The following DPYD variants were observed in gnomAD, a reference collection of about 807,000 sequenced individuals.
DPYD encodes dihydropyrimidine dehydrogenase [NADP(+)].
DPYD carries 109 observed loss-of-function variants against 116.2 expected under a neutral mutation model. The observed-to-expected ratio is 0.94, with a 90% CI of 0.80 to 1.10. The LOEUF is 1.10. Among genes scored for constraint, DPYD ranks in the 50% least tolerant of loss-of-function variants. The pLI is 0.00. For synonymous variants in DPYD, 440 were observed against 432.0 expected, an observed-to-expected ratio of 1.02 and a Z score of -0.23; for missense variants, 1,302 against 1,254.5, an observed-to-expected ratio of 1.04 and a Z score of -0.57.
At chr1:97,191,086 A>C (rs914348220) in intron 20 of DPYD, among the ~76,000 whole-genome samples, 6 of 136,868 alleles carry the variant, frequency 4.4e-5, no homozygotes, top group African/African-American at 1.4e-4. Context: ...ACGTACATAC[A>C]AACACACACA....
chr1:97,771,769 C>T (rs74484038), intron 3 of DPYD, among the ~76,000 whole-genome samples: 2,718 of 152,122 alleles, frequency 0.018, 85 homozygotes, highest in African/African-American at 0.062. Context: ...TAAATAATTA[C>T]GAAAACATTC....
At chr1:97,537,266 A>T (rs1002610106) in intron 12 of DPYD, among the ~76,000 whole-genome samples, 5 of 152,214 alleles carry the variant, frequency 3.3e-5, no homozygotes, top group Non-Finnish European at 7.3e-5. Flanking sequence ...CCCACATCAT[A>T]AGCATTATTG....
At chr1:97,114,533 G>T (rs973887248) in intron 20 of DPYD, among the ~76,000 whole-genome samples, 6 of 152,110 alleles carry the variant, frequency 3.9e-5, no homozygotes, top group African/African-American at 1.4e-4. Context: ...ATATTTGAAA[G>T]GTTGACAGAC....
intron 1 of DPYD, among the ~76,000 whole-genome samples, chr1:97,889,737 A>G (rs1028516264): frequency 4.6e-5 from 7 of 152,026 alleles, no homozygotes; most frequent in Non-Finnish European, 1.0e-4. Context: ...AGACTTGAAT[A>G]ACAACTATAA....
At chr1:97,275,177 A>C (rs1480208080) in intron 18 of DPYD, among the ~76,000 whole-genome samples, 1 of 152,154 alleles carries the variant, frequency 6.6e-6, no homozygotes, top group Non-Finnish European at 1.5e-5. Flanking sequence ...CTGGAGATGT[A>C]AGCTGGGACA....
At chr1:97,167,178 T>G (rs1000784524) in intron 20 of DPYD, among the ~76,000 whole-genome samples, 2 of 152,160 alleles carry the variant, frequency 1.3e-5, no homozygotes, top group African/African-American at 4.8e-5. Flanking sequence ...AAAGTGTACA[T>G]TTTTCAAAAG....
chr1:97,844,846 C>T (rs1558004210), intron 2 of DPYD, among the ~76,000 whole-genome samples: 1 of 152,220 alleles, frequency 6.6e-6, no homozygotes, highest in Non-Finnish European at 1.5e-5. Flanking sequence ...GAAGTGCCTG[C>T]TCCCACTACC....
chr1:97,380,681 G>T (rs915141401), intron 15 of DPYD, among the ~76,000 whole-genome samples: 1 of 152,168 alleles, frequency 6.6e-6, no homozygotes, highest in Admixed American at 6.6e-5. Flanking sequence ...TAGAGTGTTG[G>T]TGTGGTGTCT....
At chr1:97,117,574 A>C (rs1398670862) in intron 20 of DPYD, among the ~76,000 whole-genome samples, 10 of 152,200 alleles carry the variant, frequency 6.6e-5, no homozygotes, top group Non-Finnish European at 1.5e-4. Flanking sequence ...TATTGCAAGA[A>C]ACTTTTAGTG....
chr1:97,912,137 T>C (rs970683523), intron 1 of DPYD, among the ~76,000 whole-genome samples: 6 of 152,188 alleles, frequency 3.9e-5, no homozygotes, highest in Admixed American at 3.9e-4. Context: ...CCCAAAATGG[T>C]CCCCTTTTCC....
chr1:97,587,824 CAA>C (rs1245977630), intron 10 of DPYD, among the ~76,000 whole-genome samples: 10 of 57,374 alleles, frequency 1.7e-4, no homozygotes, highest in Non-Finnish European at 1.1e-4. Context: ...ACTCCATCTC[CAA>C]AAAAAAAAAA....
chr1:97,166,950 A>G (rs1656369566), intron 20 of DPYD, among the ~76,000 whole-genome samples: 1 of 152,176 alleles, frequency 6.6e-6, no homozygotes, highest in African/African-American at 2.4e-5. Context: ...TTTTTATTTT[A>G]TTTTCAATAG....
chr1:97,338,038 C>A (rs9783115), intron 16 of DPYD, among the ~76,000 whole-genome samples: 27,375 of 152,004 alleles, frequency 0.18, 2,589 homozygotes, highest in East Asian at 0.28. Context: ...TTCCTCCATT[C>A]CTGTTTGCTA....
intron 7 of DPYD, among the ~76,000 whole-genome samples, chr1:97,680,113 C>T (rs1383722241): frequency 1.3e-5 from 2 of 152,104 alleles, no homozygotes; most frequent in Admixed American, 6.6e-5. Flanking sequence ...AGTTAGTGAT[C>T]GTTCTCCTAG....
At chr1:97,380,375 G>A (rs1671882141) in intron 15 of DPYD, among the ~76,000 whole-genome samples, 2 of 152,146 alleles carry the variant, frequency 1.3e-5, no homozygotes, top group South Asian at 4.1e-4. Context: ...TTCTAACAAT[G>A]CTACTAATTT....
At chr1:97,586,683 G>T (rs1654150235) in intron 10 of DPYD, among the ~76,000 whole-genome samples, 3 of 151,310 alleles carry the variant, frequency 2.0e-5, no homozygotes, top group Non-Finnish European at 4.4e-5. Flanking sequence ...ACAAGCTTTT[G>T]TTGGCTCCTG....
chr1:97,549,925 G>T lies in DPYD; in HGVS notation c.1340-181C>A, dbSNP rs2811162. Among the ~76,000 whole-genome samples the T allele has an allele frequency of 0.025, 3,816 of 152,198 alleles. 158 individuals carry two copies. Among genetic ancestry groups the T allele is most frequent in the African/African-American group, 0.087 (3,599 of 41,504 alleles). ...ATTGGAGTTAACAACACATTTGAAG[G>T]GCACTGACTTAACTTTACACCTCAC... is the stretch of plus-strand genomic sequence containing the variant. On this transcript the variant is annotated intron_variant, in intron 11 of 22. Coordinates refer to ENST00000370192, the MANE Select transcript of DPYD (RefSeq NM_000110.4).
intron 18 of DPYD, among the ~76,000 whole-genome samples, chr1:97,264,172 T>TG (rs1664072602): frequency 1.1e-5 from 1 of 91,060 alleles, no homozygotes; most frequent in Non-Finnish European, 2.0e-5. Flanking sequence ...GTTTTTTTTT[T>TG]TTTTTTTTTT....
intron 3 of DPYD, among the ~76,000 whole-genome samples, chr1:97,794,787 A>G (rs994936179): frequency 6.6e-6 from 1 of 152,186 alleles, no homozygotes; most frequent in Non-Finnish European, 1.5e-5. Flanking sequence ...CACTTATTTC[A>G]GGGCAGGGTA....
Sources: allele counts gnomAD v4.1 joint callset (sites outside exome capture counted in the v4.1 genomes callset), GRCh38; gene constraint gnomAD v4.1.1; transcripts MANE v1.5; gene names NCBI Gene and HGNC (gene_info 2026-07-23, HGNC 2026-07-21).